The following EML6 variants were observed in gnomAD, a reference collection of about 807,000 sequenced individuals.
EML6 encodes the protein EMAP like 6, also known as echinoderm microtubule-associated protein-like 6.
In EML6, 154 loss-of-function variants were observed where a neutral mutation model predicts 240.1. The ratio of observed to expected loss-of-function variants is 0.64; its 90% CI spans 0.56 to 0.73. The LOEUF (loss-of-function observed/expected upper bound fraction) is 0.73. EML6 is among the 30% of genes least tolerant of loss of function. EML6 has a pLI of 0.00. For missense variants in EML6, 2,964 were observed against 2,474.6 expected (o/e 1.20, Z -4.20); for synonymous variants, 1,148 against 899.0 (o/e 1.28, Z -4.95).
intron 3 of EML6, among the ~76,000 whole-genome samples, chr2:54,816,123 C>T (rs756988927): frequency 2.0e-5 from 3 of 152,266 alleles, no homozygotes; most frequent in East Asian, 3.9e-4. Flanking sequence ...TAAGTGATAT[C>T]CTGCAAGAAA....
At position 54,853,876 on chromosome 2, in the gene EML6, T is replaced by G. The variant is rs1161291205; in HGVS notation, c.1657+21T>G. 8.7e-6 allele frequency: 13 copies of G among 1,494,226 alleles called. No homozygotes were observed. In the Admixed American group the frequency reaches 1.2e-4, roughly 14 times the overall value. 92.6% of individuals were successfully genotyped at this position (1,494,226 alleles called of 1,614,324 possible). On this transcript the variant is annotated intron_variant, in intron 11 of 41. Coordinates refer to ENST00000356458, the MANE Select transcript of EML6 (RefSeq NM_001039753.4). The stretch of plus-strand genomic sequence containing the variant: ...GAGAGGTAAGGCCAAAAGAGATGTT[T>G]CATTGCATAAAGATTTACTCTAAAC...
intron 17 of EML6, among the ~76,000 whole-genome samples, chr2:54,884,671 T>C (rs538058781): frequency 1.3e-5 from 2 of 152,300 alleles, no homozygotes; most frequent in East Asian, 3.9e-4. Flanking sequence ...TTTTGTAATA[T>C]CACAATGGCA....
At chr2:54,825,962 C>G (rs1668571032) in intron 5 of EML6, among the ~76,000 whole-genome samples, 1 of 152,180 alleles carries the variant, frequency 6.6e-6, no homozygotes, top group South Asian at 2.1e-4. Context: ...TTCTTCCTCA[C>G]TGCTGATCCA....
chr2:54,920,114 A>C (rs1674143769), intron 26 of EML6, among the ~76,000 whole-genome samples: 1 of 152,206 alleles, frequency 6.6e-6, no homozygotes, highest in Admixed American at 6.5e-5. Flanking sequence ...ACACTTCAGA[A>C]AACTAGGAAA....
At chr2:54,873,394 G>A (rs573872405) in intron 16 of EML6, among the ~76,000 whole-genome samples, 6 of 152,278 alleles carry the variant, frequency 3.9e-5, no homozygotes, top group South Asian at 2.1e-4. Context: ...AGAGAACTCC[G>A]CATACCACCT....
intron 17 of EML6, among the ~76,000 whole-genome samples, chr2:54,889,708 C>A (rs1200736689): frequency 6.6e-6 from 1 of 151,940 alleles, no homozygotes; most frequent in Admixed American, 6.6e-5. Context: ...AGACATATAT[C>A]CTTTGCAAAT....
chr2:54,730,652 A>G (rs1683113913), intron 2 of EML6, among the ~76,000 whole-genome samples: 1 of 152,236 alleles, frequency 6.6e-6, no homozygotes, highest in Non-Finnish European at 1.5e-5. Flanking sequence ...TACTCTGTGC[A>G]TTGGAAAGAG....
At chr2:54,918,844 TATGTG>T (rs1674070946) in intron 26 of EML6, among the ~76,000 whole-genome samples, 1 of 152,196 alleles carries the variant, frequency 6.6e-6, no homozygotes, top group African/African-American at 2.4e-5. Context: ...ACCAATAAAA[TATGTG>T]AGGTTAGTTC....
In EML6 at chr2:54,891,143, G is replaced by T. The variant is rs1316041037; in HGVS notation, c.2528G>T (p.Trp843Leu). 1.2e-5 allele frequency: 17 copies of T among 1,469,922 alleles called. No homozygotes were observed. The East Asian group carries it at 3.0e-4, about 26-fold the overall frequency. The allele number at this position is 1,469,922 out of a possible 1,614,324, so 91.1% of individuals were successfully genotyped here. ...GTTGGGATAAAACACATCAAATTCT[G>T]GCAACAAGCAGGTACTGTCGTTTGG... ...VTVGIKHIKFWQQAGGGFTSK... is the reference protein window; with the variant it reads ...VTVGIKHIKFLQQAGGGFTSK... The change falls in exon 18 of 42, where the codon TGG becomes TTG. Residue 843 changes from tryptophan (W) to leucine (L), a missense_variant. Physicochemically the swap from Trp to Leu is moderately conservative, Grantham distance 61 (BLOSUM62 -2). Transcript: ENST00000356458.
intron 2 of EML6, among the ~76,000 whole-genome samples, chr2:54,771,737 AG>A (rs1429437999): frequency 6.6e-6 from 1 of 152,252 alleles, no homozygotes; most frequent in African/African-American, 2.4e-5. Context: ...TAACTGAGGT[AG>A]TGTCCATACA....
At position 54,964,544 on chromosome 2, in the gene EML6, A is replaced by G. The variant is rs1005628757; in HGVS notation, c.5331-27A>G. 3 of 1,550,890 alleles carry G rather than the reference A, an allele frequency of 1.9e-6. No individual in the cohort carries two copies. In the African/African-American group the frequency reaches 4.1e-5, roughly 21 times the overall value. The stretch of plus-strand genomic sequence containing the variant: ...CAGCCCCAAACAGCCCTCCTCATGG[A>G]CTCTGCTCTCGGATTGCTTTTTCTA... On this transcript the variant is annotated intron_variant, in intron 37 of 41. Coordinates refer to ENST00000356458, the MANE Select transcript of EML6 (RefSeq NM_001039753.4).
chr2:54,766,668 G>T (rs114362311), intron 2 of EML6, among the ~76,000 whole-genome samples: 2 of 152,030 alleles, frequency 1.3e-5, no homozygotes, highest in Admixed American at 1.3e-4. Context: ...AATACAGTTT[G>T]AGTCTGTGTA....
chr2:54,951,799 A>T (rs1488305320), intron 30 of EML6, among the ~76,000 whole-genome samples: 1 of 152,068 alleles, frequency 6.6e-6, no homozygotes, highest in East Asian at 1.9e-4. Flanking sequence ...CACTGGGCAC[A>T]TGTTGATTTG....
chr2:54,886,508 T>C (rs1252958640), intron 17 of EML6, among the ~76,000 whole-genome samples: 1 of 152,130 alleles, frequency 6.6e-6, no homozygotes, highest in African/African-American at 2.4e-5. Flanking sequence ...TCTTTTACAT[T>C]TAGATCTGGT....
intron 2 of EML6, among the ~76,000 whole-genome samples, chr2:54,799,170 C>T (rs1669980698): frequency 6.6e-6 from 1 of 152,208 alleles, no homozygotes; most frequent in Non-Finnish European, 1.5e-5. Context: ...AAGTGATTCT[C>T]TTGCCTCAGC....
intron 22 of EML6, 55 bp from the exon 23 acceptor site, chr2:54,902,989 T>A (rs1014299541): frequency 1.5e-5 from 23 of 1,490,894 alleles, no homozygotes; most frequent in Admixed American, 6.2e-5. Context: ...TTTCATGTGG[T>A]TTGCTTGACA....
intron 2 of EML6, among the ~76,000 whole-genome samples, chr2:54,764,475 A>G (rs770310212): frequency 4.6e-5 from 7 of 152,082 alleles, no homozygotes; most frequent in Non-Finnish European, 1.5e-5. Flanking sequence ...CTCCACTTGT[A>G]TAAGGAATTT....
Position 54,844,095 on chromosome 2 carries a change from G to C in EML6, c.896G>C (p.Gly299Ala). The C allele has an allele frequency of 6.4e-7, 1 of 1,551,028 alleles. No homozygotes were observed. The highest frequency in any genetic ancestry group is 8.7e-7 in the Non-Finnish European group (1 of 1,146,742). The change falls in exon 8 of 42, where the codon GGG (glycine) becomes GCG (alanine). Residue 299 changes from glycine (G) to alanine (A), a missense_variant. Coordinates refer to ENST00000356458, the MANE Select transcript of EML6 (RefSeq NM_001039753.4). Reference sequence around the variant, plus strand: ...TGGAAAGCAGACCGCCTTCTAGCAGGGACCCAGGACAGTGAGATATTTGAA... The same window carrying C: ...TGGAAAGCAGACCGCCTTCTAGCAGCGACCCAGGACAGTGAGATATTTGAA... Reference protein sequence around the residue: ...VCWKADRLLAGTQDSEIFEVI... With the variant: ...VCWKADRLLAATQDSEIFEVI...
chr2:54,844,259 A>G lies in EML6; in HGVS notation c.1049+11A>G. 1 of 1,547,032 alleles carries G rather than the reference A, an allele frequency of 6.5e-7. No homozygotes were observed. ...TGACCGCTCTGTCAGGTGAGGCCCT[A>G]CCGCCGTCACCTCTCTGACTTCTTT... On this transcript the variant is annotated intron_variant, in intron 8 of 41. Transcript: ENST00000356458.
Sources: gnomAD v4.1 joint callset for allele counts (sites outside exome capture counted in the v4.1 genomes callset) on GRCh38, gnomAD v4.1.1 for gene constraint, MANE v1.5 for transcripts, NCBI Gene and HGNC (gene_info 2026-07-23, HGNC 2026-07-21) for gene names.